Variants in PPFIA3 observed in about 807,000 individuals in gnomAD.
PPFIA3 encodes the protein PPFI scaffold protein A3.
In PPFIA3, 26 loss-of-function variants were observed where a neutral mutation model predicts 145.8. That is an observed-to-expected ratio of 0.18 (90% CI 0.13 to 0.25). The LOEUF (loss-of-function observed/expected upper bound fraction) is 0.25. Ranked by LOEUF, PPFIA3 falls within the 10% of genes least tolerant of loss-of-function variation. PPFIA3 has a pLI of 1.00. For missense variants in PPFIA3, 1,008 were observed against 1,587.8 expected (o/e 0.63, Z 6.21); for synonymous variants, 645 against 661.4 (o/e 0.98, Z 0.38).
chr19:49,141,929 G>A (rs73048819), intron 19 of PPFIA3, 105 bp from the exon 20 acceptor site: 9,141 of 686,876 alleles, frequency 0.013, 81 homozygotes, highest in Non-Finnish European at 0.016. Flanking sequence ...CTGCGTGTGC[G>A]TATGTGCATG....
chr19:49,147,981 T>TG, intron 23 of PPFIA3, 102 bp from the exon 24 acceptor site: 1 of 1,245,146 alleles, frequency 8.0e-7, no homozygotes, highest in Non-Finnish European at 1.1e-6. Context: ...TACCATGGGG[T>TG]GGGAAAAAAC....
chr19:49,132,382 C>G (rs2041084571), intron 7 of PPFIA3, among the ~76,000 whole-genome samples: 1 of 106,456 alleles, frequency 9.4e-6, no homozygotes, highest in Non-Finnish European at 1.8e-5. Flanking sequence ...GAGCAAGACT[C>G]TCTCTCTCAA....
intron 20 of PPFIA3, among the ~76,000 whole-genome samples, chr19:49,142,595 G>A (rs1357704477): frequency 2.3e-5 from 1 of 43,002 alleles, no homozygotes; most frequent in Non-Finnish European, 4.3e-5. Context: ...CCCGCCCCCC[G>A]TTTCTCTCCC....
At chr19:49,129,476 G>A (rs2041043293) in intron 5 of PPFIA3, 22 bp downstream of exon 5, 6 of 1,551,172 alleles carry the variant, frequency 3.9e-6, no homozygotes, top group Non-Finnish European at 5.2e-6. Context: ...GCCAAGACAG[G>A]GAATTTGAAT....
intron 22 of PPFIA3, 66 bp downstream of exon 22, chr19:49,146,071 C>T (rs2041277049): frequency 1.2e-6 from 2 of 1,606,650 alleles, no homozygotes; most frequent in Non-Finnish European, 1.7e-6. Context: ...GGGCGGGGAC[C>T]GAGTCTGTGG....
chr19:49,129,869 C>T, intron 5 of PPFIA3, 124 bp from the exon 6 acceptor site: 1 of 992,452 alleles, frequency 1.0e-6, no homozygotes, highest in Non-Finnish European at 1.5e-6. Flanking sequence ...GTAGGCATGG[C>T]CCCAGCACGA....
At chr19:49,127,692 C>T (rs1010285239) in intron 1 of PPFIA3, among the ~76,000 whole-genome samples, 167 bp from the exon 2 acceptor site, 2 of 152,138 alleles carry the variant, frequency 1.3e-5, no homozygotes, top group Non-Finnish European at 2.9e-5. Context: ...GGTGGCGGTG[C>T]CTGTTTCCCT....
intron 23 of PPFIA3, among the ~76,000 whole-genome samples, chr19:49,147,686 A>AAGAGAGAGAGAGAGAG (rs143496485): frequency 8.2e-5 from 12 of 145,818 alleles, no homozygotes; most frequent in African/African-American, 2.6e-4. Flanking sequence ...CTCTTTCAGA[A>AAGAGAGAGAGAGAGAG]AGAGAGAGAG....
At chr19:49,146,046 C>A (rs757986485) in intron 22 of PPFIA3, 41 bp downstream of exon 22, 14 of 1,610,192 alleles carry the variant, frequency 8.7e-6, no homozygotes, top group Admixed American at 3.3e-5. Context: ...TGGCACTAAC[C>A]TTCTTTGGGG....
In PPFIA3 at chr19:49,128,531, C is replaced by A; in HGVS notation, c.342+63C>A. On this transcript the variant is annotated intron_variant, in intron 3 of 29. Transcript: ENST00000334186. This position sits in a 1 kb window ranked among gnomAD's most constrained non-coding sequence, Gnocchi z 4.1. ...GGCCTCGTGGTGTTGAAGTGGGGGGCGGGGCCTCTCAGTGTTGCAGCGTGA... is the reference window on the plus strand; with the variant it reads ...GGCCTCGTGGTGTTGAAGTGGGGGGAGGGGCCTCTCAGTGTTGCAGCGTGA... The A allele has an allele frequency of 7.2e-7, 1 of 1,384,658 alleles. No individual in the cohort carries two copies. Among genetic ancestry groups the A allele is most frequent in the Non-Finnish European group, 1.0e-6 (1 of 986,072 alleles). 85.8% of individuals were successfully genotyped at this position (1,384,658 alleles called of 1,614,324 possible). A position where few individuals can be genotyped will look rare whatever the true frequency, so the allele number is the denominator to read the frequency against.
intron 18 of PPFIA3, 55 bp downstream of exon 18, chr19:49,140,143 CCCTT>C: frequency 6.4e-7 from 1 of 1,569,744 alleles, no homozygotes; most frequent in Non-Finnish European, 8.7e-7. Context: ...CTTCCTCCCT[CCCTT>C]TCTTTCTTCT....
Position 49,149,725 on chromosome 19 carries a change from G to T in PPFIA3, c.3526+7G>T. ...CGCAAGCTGCAGCCAGAAGGTGGGG[G>T]GCTCCCAAATGCGACAGCCCTTCCT... On this transcript the variant is annotated splice_region_variant and intron_variant, in intron 28 of 29. Coordinates refer to ENST00000334186, the MANE Select transcript of PPFIA3 (RefSeq NM_003660.4). This position sits in a 1 kb window ranked among gnomAD's most constrained non-coding sequence, Gnocchi z 5.7. 1 of 1,598,118 alleles carries T rather than the reference G, an allele frequency of 6.3e-7. No homozygotes were observed.
At chr19:49,129,242 GC>G in intron 4 of PPFIA3, 137 bp from the exon 5 acceptor site, 1 of 994,254 alleles carries the variant, frequency 1.0e-6, no homozygotes, top group Non-Finnish European at 1.4e-6. Context: ...ATAGCTGGTT[GC>G]GGCTGCATAC....
intron 19 of PPFIA3, 70 bp downstream of exon 19, chr19:49,141,583 C>A: frequency 1.6e-6 from 2 of 1,218,882 alleles, no homozygotes; most frequent in Non-Finnish European, 2.4e-6. Flanking sequence ...TGTGTGTGTG[C>A]GTGTATGTGT....
At chr19:49,134,762 C>CT (rs2122581012) in intron 12 of PPFIA3, 61 bp downstream of exon 12, 1 of 1,611,492 alleles carries the variant, frequency 6.2e-7, no homozygotes, top group East Asian at 2.2e-5. Flanking sequence ...AGGCTAGGGT[C>CT]TGCAAGTCTG....
At chr19:49,124,339 A>G (rs2040971565) in intron 1 of PPFIA3, among the ~76,000 whole-genome samples, 1 of 151,918 alleles carries the variant, frequency 6.6e-6, no homozygotes. Flanking sequence ...GATTACAGGC[A>G]TGAGCCACCG....
chr19:49,136,975 C>T, intron 15 of PPFIA3, 64 bp downstream of exon 15: 1 of 1,398,444 alleles, frequency 7.2e-7, no homozygotes, highest in African/African-American at 1.4e-5. Flanking sequence ...GCCCTTCTGG[C>T]TCTGGAGGCC....
intron 21 of PPFIA3, chr19:49,145,682 G>A: frequency 1.9e-6 from 1 of 521,708 alleles, no homozygotes; most frequent in Non-Finnish European, 3.5e-6. Flanking sequence ...TCAGCGAGGT[G>A]ACGTCATTTG....
intron 19 of PPFIA3, 109 bp downstream of exon 19, chr19:49,141,622 G>A: frequency 2.6e-6 from 2 of 774,996 alleles, no homozygotes; most frequent in Non-Finnish European, 2.0e-6. Flanking sequence ...GTGTGAGAGG[G>A]TGTGTGAGTG....
Sources: gnomAD v4.1 joint callset for allele counts (sites outside exome capture counted in the v4.1 genomes callset) on GRCh38, gnomAD v4.1.1 for gene constraint, Gnocchi (gnomAD v3.1) non-coding constraint, MANE v1.5 for transcripts, NCBI Gene and HGNC (gene_info 2026-07-23, HGNC 2026-07-21) for gene names.